UNC93A: variants seen among roughly 807,000 people sequenced by gnomAD.
UNC93A encodes unc-93 homolog A.
UNC93A carries 43 observed loss-of-function variants against 47.5 expected under a neutral mutation model. The observed-to-expected ratio is 0.91, with a 90% CI of 0.71 to 1.17. The LOEUF (loss-of-function observed/expected upper bound fraction) is 1.17. UNC93A is among the 50% of genes most tolerant of loss of function. The pLI is 0.00. For missense variants in UNC93A, 605 were observed against 577.6 expected (o/e 1.05, Z -0.49); for synonymous variants, 280 against 258.0 (o/e 1.09, Z -0.82).
In UNC93A at chr6:167,305,858, C is replaced by G; in HGVS notation, c.841-57C>G. 2.5e-6 allele frequency: 4 copies of G among 1,610,926 alleles called. No individual in the cohort carries two copies. In the South Asian group the frequency reaches 3.3e-5, roughly 13 times the overall value. ...TCTAAGCACCCGACTGCAGCTTTAG[C>G]TTGAGCACGGGAGGCCTGGGAGCGT... On this transcript the variant is annotated intron_variant, in intron 5 of 7. Coordinates refer to ENST00000230256, the MANE Select transcript of UNC93A (RefSeq NM_018974.4).
In UNC93A at chr6:167,285,526, C is replaced by T. The variant is rs550987634; in HGVS notation, c.-51-5913C>T. ...TGCCTCGATGGTGGCCTGACTCGCCCGTGGGGCTGGCGGGGATGAGAGTTG... is the reference window on the plus strand; with the variant it reads ...TGCCTCGATGGTGGCCTGACTCGCCTGTGGGGCTGGCGGGGATGAGAGTTG... On this transcript the variant is annotated intron_variant, in intron 1 of 3. Transcript: ENST00000503433. Among the ~76,000 whole-genome samples the T allele has an allele frequency of 2.2e-3, 332 of 151,870 alleles. 1 individual carries two copies. The highest frequency in any genetic ancestry group is 3.9e-3 in the Non-Finnish European group (263 of 67,968).
chr6:167,311,005 C>T (rs1778541060), intron 7 of UNC93A, among the ~76,000 whole-genome samples: 1 of 152,212 alleles, frequency 6.6e-6, no homozygotes, highest in Non-Finnish European at 1.5e-5. Context: ...CAGGCTGGCT[C>T]TCCATGCAGC....
At chr6:167,276,298 G>C (rs564220829) in intron 1 of UNC93A, among the ~76,000 whole-genome samples, 2 of 150,964 alleles carry the variant, frequency 1.3e-5, no homozygotes, top group African/African-American at 4.9e-5. Flanking sequence ...TATTGTGACA[G>C]TATTGGGATG....
chr6:167,269,146 C>T (rs1276459999), upstream of UNC93A, among the ~76,000 whole-genome samples: 1 of 152,174 alleles, frequency 6.6e-6, no homozygotes, highest in Non-Finnish European at 1.5e-5. Context: ...CTGGGAAAAC[C>T]CAGCGAGATG....
intron 6 of UNC93A, among the ~76,000 whole-genome samples, chr6:167,307,456 C>T (rs369140700): frequency 2.0e-5 from 3 of 150,346 alleles, no homozygotes; most frequent in African/African-American, 4.9e-5. Context: ...TTCCAGAGGA[C>T]GGTTCCAGAG....
chr6:167,270,716 G>A (rs1783437933), upstream of UNC93A, among the ~76,000 whole-genome samples: 1 of 152,170 alleles, frequency 6.6e-6, no homozygotes, highest in African/African-American at 2.4e-5. Context: ...GGGAGCACGG[G>A]GAGAAGGTGA....
At chr6:167,287,714 T>C (rs6900816), upstream of UNC93A, among the ~76,000 whole-genome samples, 2,919 of 144,176 alleles carry the variant, frequency 0.02, 106 homozygotes, top group African/African-American at 0.07. Context: ...TGTGTGCATA[T>C]GTGTGTGTGT....
chr6:167,287,403 C>T (rs1288803747), upstream of UNC93A, among the ~76,000 whole-genome samples: 8 of 152,270 alleles, frequency 5.3e-5, no homozygotes, highest in Admixed American at 4.6e-4. Flanking sequence ...GTCCCACCTG[C>T]TCTAGTTTTG....
chr6:167,290,991 T>C (rs1783830140), upstream of UNC93A, among the ~76,000 whole-genome samples: 1 of 152,228 alleles, frequency 6.6e-6, no homozygotes, highest in Non-Finnish European at 1.5e-5. Flanking sequence ...TAGCTCTTTT[T>C]CAGAAGTTGA....
intron 4 of UNC93A, among the ~76,000 whole-genome samples, chr6:167,300,039 C>T (rs143515797): frequency 0.016 from 2,381 of 150,110 alleles, 28 homozygotes; most frequent in Non-Finnish European, 0.026. Context: ...CAGCAGGGTC[C>T]GTGTGGGTTG....
Position 167,298,014 on chromosome 6 carries a change from A to C in UNC93A, c.569A>C (p.Asn190Thr), listed in dbSNP as rs1371993181. The C allele has an allele frequency of 3.7e-6, 6 of 1,613,682 alleles. No homozygotes were observed. The Admixed American group carries it at 6.7e-5, about 18-fold the overall frequency. ...SDCLMATTTT[N>T]STQRPSQQLV... The stretch of plus-strand genomic sequence containing the variant: ...TGCCTGATGGCCACCACAACCACCA[A>C]CAGCACCCAGAGGCCCTCCCAGCAG... The change falls in exon 4 of 8, where the codon AAC becomes ACC. Residue 190 changes from asparagine to threonine, a missense_variant. By Grantham distance (65) the Asn-to-Thr change is moderately conservative. Coordinates refer to ENST00000230256, the MANE Select transcript of UNC93A (RefSeq NM_018974.4).
rs557226533 is a variant in UNC93A, at chr6:167,276,165, T to C, written c.-52+4707T>C. On this transcript the variant is annotated intron_variant, in intron 1 of 3. Transcript: ENST00000503433. ...AATATCTTGTCCCCAGTTCCATTCA[T>C]GTGGCCACAATGACAGGGTTTTATT... is the stretch of plus-strand genomic sequence containing the variant. 2.6e-5 allele frequency among the ~76,000 whole-genome samples: 4 copies of C among 152,130 alleles called. No homozygotes were observed. The East Asian group carries it at 7.7e-4, about 29-fold the overall frequency.
At chr6:167,283,195 G>T (rs1783661684) in intron 1 of UNC93A, among the ~76,000 whole-genome samples, 1 of 152,140 alleles carries the variant, frequency 6.6e-6, no homozygotes, top group African/African-American at 2.4e-5. Context: ...TTCAAAATGT[G>T]TCAAACAAAG....
Position 167,304,121 on chromosome 6 carries a change from C to T in UNC93A, c.828C>T (p.Ser276=), listed in dbSNP as rs372252741. The part of the protein sequence containing the change: ...YSGLQQGFLS[S]EYTRSYVTCT... ...GATTGCAGCAAGGATTCCTCTCCAG[C>T]GAATACACAAGGGTATGAACGAAAG... Residue 276 remains serine (S), a synonymous_variant, in exon 5 of 8, where the codon AGC becomes AGT. Transcript: ENST00000230256. The T allele has an allele frequency of 3.0e-5, 48 of 1,614,190 alleles. No homozygotes were observed. The highest frequency in any genetic ancestry group is 2.3e-4 in the Admixed American group (14 of 60,028).
At chr6:167,307,413 GGATGGTTGAGACGGTTGA>G (rs1327918314) in intron 6 of UNC93A, among the ~76,000 whole-genome samples, 2 of 152,226 alleles carry the variant, frequency 1.3e-5, no homozygotes, top group Non-Finnish European at 2.9e-5. Flanking sequence ...CAGTTCCAGA[GGATGGTTGAGACGGTTGA>G]GATGGTTGAG....
At chr6:167,281,882 A>G (rs1267295175) in intron 1 of UNC93A, among the ~76,000 whole-genome samples, 1 of 152,162 alleles carries the variant, frequency 6.6e-6, no homozygotes, top group African/African-American at 2.4e-5. Context: ...TTCAGAGGAG[A>G]TAAGGATTCT....
rs370520190 is a variant in UNC93A, at chr6:167,298,094, C to G, written c.625+24C>G. 7.1e-5 allele frequency: 115 copies of G among 1,609,666 alleles called. 1 individual carries two copies. The African/African-American group carries it at 1.4e-3, about 19-fold the overall frequency. Reference sequence around the variant, plus strand: ...TGGTACGAGCTCCATCGGCCCAGGGCAGGGTCCCTAGCAAAGCAGAGCCAA... The same window carrying G: ...TGGTACGAGCTCCATCGGCCCAGGGGAGGGTCCCTAGCAAAGCAGAGCCAA... On this transcript the variant is annotated intron_variant, in intron 4 of 7. Coordinates refer to ENST00000230256, the MANE Select transcript of UNC93A (RefSeq NM_018974.4).
chr6:167,296,480 C>T (rs967675015), intron 3 of UNC93A, among the ~76,000 whole-genome samples: 1 of 152,228 alleles, frequency 6.6e-6, no homozygotes, highest in Non-Finnish European at 1.5e-5. Context: ...AGATCTGCGT[C>T]TTCCACAGGT....
upstream of UNC93A, among the ~76,000 whole-genome samples, chr6:167,269,787 G>T (rs1278338457): frequency 2.0e-5 from 3 of 151,786 alleles, no homozygotes; most frequent in East Asian, 5.8e-4. Context: ...TTGTGTGTGT[G>T]TGTGTTTTTA....
Sources: gnomAD v4.1 joint callset for allele counts (sites outside exome capture counted in the v4.1 genomes callset) on GRCh38, gnomAD v4.1.1 for gene constraint, MANE v1.5 for transcripts, NCBI Gene and HGNC (gene_info 2026-07-23, HGNC 2026-07-21) for gene names.